Variants in CPB2 observed in about 807,000 individuals in gnomAD.
CPB2 encodes carboxypeptidase B-like protein.
Under a neutral mutation model 57.0 loss-of-function variants are expected in CPB2, and 54 were observed. That is an observed-to-expected ratio of 0.95 (90% CI 0.76 to 1.19). The LOEUF (loss-of-function observed/expected upper bound fraction) is 1.19. Among genes scored for constraint, CPB2 ranks in the 50% most tolerant of loss-of-function variants. The probability of loss-of-function intolerance (pLI) is 0.00; values close to 1 mark genes in which losing one functional copy is unlikely to be tolerated. For synonymous variants in CPB2, 189 were observed against 178.1 expected, an observed-to-expected ratio of 1.06 and a Z score of -0.49; for missense variants, 426 against 512.0, an observed-to-expected ratio of 0.83 and a Z score of 1.62.
At chr13:46,060,961 T>C (rs1186503571) in intron 8 of CPB2, among the ~76,000 whole-genome samples, 1 of 152,098 alleles carries the variant, frequency 6.6e-6, no homozygotes, top group Non-Finnish European at 1.5e-5. Context: ...CCAAGCACAC[T>C]GTGAAATATC....
At chr13:46,064,917 T>C (rs2044830827) in intron 7 of CPB2, among the ~76,000 whole-genome samples, 176 bp from the exon 8 acceptor site, 1 of 152,240 alleles carries the variant, frequency 6.6e-6, no homozygotes, top group Non-Finnish European at 1.5e-5. Flanking sequence ...TCCCTATTGC[T>C]ATCCGGGTTT....
intron 1 of CPB2, among the ~76,000 whole-genome samples, chr13:46,104,620 A>G (rs2045472230): frequency 6.6e-6 from 1 of 152,238 alleles, no homozygotes; most frequent in South Asian, 2.1e-4. Context: ...TATGAATCAT[A>G]CATCAAGTTA....
intron 3 of CPB2, 121 bp from the exon 4 acceptor site, chr13:46,082,670 A>G: frequency 1.7e-6 from 1 of 574,956 alleles, no homozygotes; most frequent in Non-Finnish European, 3.1e-6. Context: ...CTTCATAAGC[A>G]TTTCATCAAG....
At chr13:46,057,371 T>C (rs1394748726) in intron 9 of CPB2, among the ~76,000 whole-genome samples, 1 of 152,200 alleles carries the variant, frequency 6.6e-6, no homozygotes, top group Non-Finnish European at 1.5e-5. Context: ...CTAGCTCCTG[T>C]AATGTGACTA....
At chr13:46,076,127 GT>G (rs1485939075) in intron 5 of CPB2, among the ~76,000 whole-genome samples, 1 of 152,100 alleles carries the variant, frequency 6.6e-6, no homozygotes, top group Non-Finnish European at 1.5e-5. Context: ...TTCAAAAGCT[GT>G]ACCAGGAAGT....
chr13:46,068,857 T>C (rs9562635), intron 6 of CPB2, among the ~76,000 whole-genome samples: 52,253 of 152,028 alleles, frequency 0.34, 9,214 homozygotes, highest in African/African-American at 0.39. Flanking sequence ...ATGTTTTAAA[T>C]AGTCGAGCAA....
At chr13:46,074,126 A>C (rs774209889) in intron 5 of CPB2, 149 bp from the exon 6 acceptor site, 9 of 486,900 alleles carry the variant, frequency 1.8e-5, no homozygotes, top group Non-Finnish European at 2.9e-5. Flanking sequence ...CTCAAGGGAA[A>C]TTTAAACACT....
intron 8 of CPB2, among the ~76,000 whole-genome samples, chr13:46,060,281 G>A (rs1351033692): frequency 1.3e-5 from 2 of 152,006 alleles, no homozygotes; most frequent in African/African-American, 2.4e-5. Context: ...AGGCCAACAT[G>A]GTGAAACCCC....
At chr13:46,104,003 A>G (rs1184349254) in intron 1 of CPB2, among the ~76,000 whole-genome samples, 2 of 152,276 alleles carry the variant, frequency 1.3e-5, no homozygotes, top group African/African-American at 4.8e-5. Context: ...TCAATCAACT[A>G]TAATCAGTTC....
intron 1 of CPB2, chr13:46,095,048 G>A (rs1420073747): frequency 1.3e-5 from 2 of 152,136 alleles, no homozygotes; most frequent in African/African-American, 4.8e-5. Context: ...ATATTTTCAG[G>A]TGTGTTGGAT....
At chr13:46,073,827 T>C (rs1218649586) in intron 6 of CPB2, 46 bp downstream of exon 6, 48 of 1,289,674 alleles carry the variant, frequency 3.7e-5, no homozygotes, top group Non-Finnish European at 5.0e-5. Context: ...CAGGTGATCT[T>C]GGGCACCATT....
At chr13:46,080,845 G>A (rs1291367921) in intron 4 of CPB2, among the ~76,000 whole-genome samples, 4 of 151,786 alleles carry the variant, frequency 2.6e-5, no homozygotes, top group African/African-American at 9.7e-5. Flanking sequence ...GGTGGTATGC[G>A]CCTCTAGTCC....
Position 46,064,751 on chromosome 13 carries a change from C to A in CPB2, c.703-10G>T. 1.2e-6 allele frequency: 2 copies of A among 1,611,770 alleles called. No individual in the cohort carries two copies. Among genetic ancestry groups the A allele is most frequent in the Non-Finnish European group, 1.7e-6 (2 of 1,178,036 alleles). On this transcript the variant is annotated splice_polypyrimidine_tract_variant and intron_variant, in intron 7 of 10. Coordinates refer to ENST00000181383, the MANE Select transcript of CPB2 (RefSeq NM_001872.5). ...TTCTCCACATTCGATTCTACATAAA[C>A]AAAATACAAACAGACAACCTGGGTA...
intron 1 of CPB2, among the ~76,000 whole-genome samples, chr13:46,091,006 G>A (rs1012395553): frequency 7.9e-5 from 12 of 152,224 alleles, no homozygotes; most frequent in African/African-American, 2.9e-4. Context: ...TTACAGGCGT[G>A]AGCCACCGTG....
chr13:46,096,696 T>C (rs2045370524), intron 1 of CPB2, among the ~76,000 whole-genome samples: 2 of 152,040 alleles, frequency 1.3e-5, no homozygotes, highest in African/African-American at 2.4e-5. Flanking sequence ...GGAGAATTGC[T>C]TGAACCCAGG....
At chr13:46,094,179 T>C (rs1230274406) in intron 1 of CPB2, among the ~76,000 whole-genome samples, 1 of 152,168 alleles carries the variant, frequency 6.6e-6, no homozygotes, top group African/African-American at 2.4e-5. Flanking sequence ...AGTCACCCAG[T>C]GGGTTTTCTA....
intron 10 of CPB2, among the ~76,000 whole-genome samples, chr13:46,054,668 G>GA (rs1375174462): frequency 6.6e-6 from 1 of 151,950 alleles, no homozygotes; most frequent in Non-Finnish European, 1.5e-5. Context: ...AGCATCTCAT[G>GA]AAAGCTACAA....
At chr13:46,067,881 GT>G (rs2044879906) in intron 6 of CPB2, among the ~76,000 whole-genome samples, 1 of 152,208 alleles carries the variant, frequency 6.6e-6, no homozygotes, top group African/African-American at 2.4e-5. Flanking sequence ...AGAATTGAGT[GT>G]GTTTCCCAAG....
chr13:46,096,383 C>T (rs2045366531), intron 1 of CPB2: 1 of 152,380 alleles, frequency 6.6e-6, no homozygotes, highest in African/African-American at 2.4e-5. Flanking sequence ...CACAGCTAAT[C>T]CCATCTTGGT....
Sources: allele counts gnomAD v4.1 joint callset (sites outside exome capture counted in the v4.1 genomes callset), GRCh38; gene constraint gnomAD v4.1.1; transcripts MANE v1.5; gene names NCBI Gene and HGNC (gene_info 2026-07-23, HGNC 2026-07-21).